The following RAVER2 variants were observed in gnomAD, a reference collection of about 807,000 sequenced individuals.
RAVER2 encodes ribonucleoprotein PTB-binding 2.
In RAVER2, 46 loss-of-function variants were observed where a neutral mutation model predicts 78.1. That is an observed-to-expected ratio of 0.59 (90% CI 0.46 to 0.75). RAVER2 has a LOEUF of 0.75. RAVER2 is among the 30% of genes least tolerant of loss of function. RAVER2 has a pLI of 0.00. For missense variants in RAVER2, 793 were observed against 837.5 expected, an observed-to-expected ratio of 0.95 and a Z score of 0.66; for synonymous variants, 311 against 313.3, an observed-to-expected ratio of 0.99 and a Z score of 0.08.
intron 8 of RAVER2, among the ~76,000 whole-genome samples, 192 bp downstream of exon 8, chr1:64,805,297 C>G (rs1325122893): frequency 6.6e-6 from 1 of 152,090 alleles, no homozygotes; most frequent in Non-Finnish European, 1.5e-5. Context: ...GCTTCCATGC[C>G]AAGATAAGAC....
intron 5 of RAVER2, among the ~76,000 whole-genome samples, chr1:64,802,005 C>T (rs900096176): frequency 9.9e-5 from 15 of 152,190 alleles, no homozygotes; most frequent in Admixed American, 9.2e-4. Context: ...ATGAATTTTC[C>T]AGGAAAATGG....
intron 3 of RAVER2, among the ~76,000 whole-genome samples, chr1:64,780,151 T>C (rs1054099130): frequency 1.3e-5 from 2 of 152,174 alleles, no homozygotes; most frequent in African/African-American, 4.8e-5. Context: ...GTGGGTCTGT[T>C]AACCTCAGGC....
intron 4 of RAVER2, among the ~76,000 whole-genome samples, chr1:64,788,466 C>T (rs1448789883): frequency 1.3e-5 from 2 of 150,010 alleles, no homozygotes; most frequent in South Asian, 2.1e-4. Flanking sequence ...AGTGAGACTC[C>T]GTCTCAAAAA....
chr1:64,795,052 C>T (rs768968835), intron 5 of RAVER2, among the ~76,000 whole-genome samples: 6 of 151,890 alleles, frequency 4.0e-5, no homozygotes, highest in Non-Finnish European at 7.4e-5. Context: ...ATTATTCTGG[C>T]ATCATTTGTT....
At chr1:64,801,074 T>TTA (rs138698939) in intron 5 of RAVER2, among the ~76,000 whole-genome samples, 3,559 of 148,340 alleles carry the variant, frequency 0.024, 126 homozygotes, top group African/African-American at 0.076. Flanking sequence ...TTTGTATATT[T>TTA]TATATATATA....
At chr1:64,747,766 C>T (rs541342326) in intron 1 of RAVER2, among the ~76,000 whole-genome samples, 9 of 152,230 alleles carry the variant, frequency 5.9e-5, no homozygotes, top group South Asian at 4.2e-4. Flanking sequence ...CCACACGCCT[C>T]GGCCTCCCAA....
intron 11 of RAVER2, among the ~76,000 whole-genome samples, chr1:64,830,508 GT>G (rs1654101230): frequency 6.6e-6 from 1 of 152,200 alleles, no homozygotes; most frequent in African/African-American, 2.4e-5. Context: ...GACATTCGGT[GT>G]TGATATTCTG....
exon 3 of RAVER2, chr1:64,777,876 C>T: frequency 6.2e-7 from 1 of 1,614,072 alleles, no homozygotes; most frequent in Non-Finnish European, 8.5e-7. Context: ...TTGTGGAATA[C>T]ATGAAAAAGG....
intron 3 of RAVER2, among the ~76,000 whole-genome samples, chr1:64,779,002 ATAT>A (rs1391922340): frequency 3.4e-5 from 5 of 148,434 alleles, no homozygotes; most frequent in Non-Finnish European, 4.5e-5. Flanking sequence ...ATTAAAATAT[ATAT>A]TATTTAAGTT....
At chr1:64,772,797 T>C (rs975777874) in intron 2 of RAVER2, among the ~76,000 whole-genome samples, 10 of 152,070 alleles carry the variant, frequency 6.6e-5, no homozygotes, top group Non-Finnish European at 1.3e-4. Context: ...TCTTGGAGAA[T>C]AAAGAGCTGT....
At position 64,745,344 on chromosome 1, in the gene RAVER2, C is replaced by CTGCAGCGGA; in HGVS notation, c.181_189dup (p.Met61_Arg63dup). On this transcript the variant is annotated inframe_insertion, in exon 1 of 12. Transcript: ENST00000294428. The surrounding 1 kb of genome is among the most constrained non-coding windows in gnomAD (Gnocchi z 4.3). The stretch of plus-strand genomic sequence containing the variant: ...GCACCCTGAGGAGGTCGCCGCGCGA[C>CTGCAGCGGA]TGCAGCGGATGCAGCGGGAGCTGAG... 5.8e-6 allele frequency: 9 copies of CTGCAGCGGA among 1,541,468 alleles called. No individual in the cohort carries two copies. Among genetic ancestry groups the CTGCAGCGGA allele is most frequent in the Non-Finnish European group, 7.9e-6 (9 of 1,142,962 alleles).
At chr1:64,827,490 G>A (rs528966098) in intron 11 of RAVER2, among the ~76,000 whole-genome samples, 1 of 152,154 alleles carries the variant, frequency 6.6e-6, no homozygotes, top group Non-Finnish European at 1.5e-5. Flanking sequence ...TCATAGAGTG[G>A]TTTCAGCCAA....
intron 11 of RAVER2, chr1:64,815,708 A>G (rs977018035): frequency 6.6e-6 from 1 of 152,202 alleles, no homozygotes; most frequent in African/African-American, 2.4e-5. Flanking sequence ...TAGAAAAGAA[A>G]ACCACTTAGA....
rs190454808 is a variant in RAVER2 at position 64,764,584 on chromosome 1, C to G, written c.250-4072C>G. On this transcript the variant is annotated intron_variant, in intron 1 of 11. Coordinates refer to ENST00000294428, the Ensembl canonical transcript of RAVER2. ...ATTAAAATGAAAAACTTCTCTTCAC[C>G]CAAAATCCCACAAATAAACACAATG... Among the ~76,000 whole-genome samples the G allele has an allele frequency of 9.9e-4, 150 of 152,196 alleles. 1 individual carries two copies. In the Middle Eastern group the frequency reaches 0.034, roughly 35 times the overall value.
chr1:64,763,723 G>A (rs1483241551), intron 1 of RAVER2, among the ~76,000 whole-genome samples: 1 of 151,998 alleles, frequency 6.6e-6, no homozygotes, highest in Non-Finnish European at 1.5e-5. Flanking sequence ...CCAACATGGA[G>A]AAACCCTGTC....
chr1:64,811,365 T>G (rs1653601394), intron 9 of RAVER2, among the ~76,000 whole-genome samples: 1 of 152,244 alleles, frequency 6.6e-6, no homozygotes. Context: ...CTCGTCATGC[T>G]TGCATATTTT....
chr1:64,813,427 A>T (rs1570578664), intron 10 of RAVER2, among the ~76,000 whole-genome samples: 1 of 152,192 alleles, frequency 6.6e-6, no homozygotes, highest in East Asian at 1.9e-4. Context: ...ATATACTGAT[A>T]TGAGATGAAC....
intron 1 of RAVER2, among the ~76,000 whole-genome samples, chr1:64,747,863 A>C (rs1284746367): frequency 6.6e-6 from 1 of 151,940 alleles, no homozygotes; most frequent in African/African-American, 2.4e-5. Context: ...GACATTCATA[A>C]CTCTAGTTCT....
chr1:64,774,585 A>G (rs775184372), intron 2 of RAVER2, among the ~76,000 whole-genome samples: 4 of 152,024 alleles, frequency 2.6e-5, no homozygotes, highest in African/African-American at 9.7e-5. Context: ...GTGGCCTTGT[A>G]GTGTAGTTTG....
Sources: gnomAD v4.1 joint callset for allele counts (sites outside exome capture counted in the v4.1 genomes callset) on GRCh38, gnomAD v4.1.1 for gene constraint, Gnocchi (gnomAD v3.1) non-coding constraint, MANE v1.5 for transcripts, NCBI Gene and HGNC (gene_info 2026-07-23, HGNC 2026-07-21) for gene names.